DOCK3: variants seen among roughly 807,000 people sequenced by gnomAD.
The protein encoded by DOCK3 is dedicator of cytokinesis 3.
In DOCK3, 60 loss-of-function variants were observed where a neutral mutation model predicts 265.6. The ratio of observed to expected loss-of-function variants is 0.23; its 90% CI spans 0.18 to 0.28. DOCK3 has a LOEUF of 0.28. Among genes scored for constraint, DOCK3 ranks in the 10% least tolerant of loss-of-function variants. The pLI is 1.00. For missense variants in DOCK3, 1,981 were observed against 2,594.3 expected (o/e 0.76, Z 5.14); for synonymous variants, 881 against 938.0 (o/e 0.94, Z 1.11).
chr3:50,932,114 C>T (rs1207124444), intron 4 of DOCK3, among the ~76,000 whole-genome samples: 3 of 152,096 alleles, frequency 2.0e-5, no homozygotes, highest in Non-Finnish European at 4.4e-5. Context: ...TTAACAAGCC[C>T]TTGATGAAAG....
intron 5 of DOCK3, among the ~76,000 whole-genome samples, chr3:51,050,388 G>A (rs1027638482): frequency 6.6e-6 from 1 of 152,108 alleles, no homozygotes; most frequent in Non-Finnish European, 1.5e-5. Context: ...TTTTTATGTA[G>A]CTTAAAACCA....
intron 5 of DOCK3, among the ~76,000 whole-genome samples, chr3:51,054,121 TAAAA>T (rs35733959): frequency 1.2e-5 from 1 of 85,008 alleles, no homozygotes; most frequent in Non-Finnish European, 2.3e-5. Context: ...CGTAGCTTCC[TAAAA>T]AAAAAAAAAA....
intron 27 of DOCK3, among the ~76,000 whole-genome samples, chr3:51,309,104 G>T (rs969815761): frequency 6.6e-6 from 1 of 151,656 alleles, no homozygotes; most frequent in Non-Finnish European, 1.5e-5. Flanking sequence ...TCCAGACTGC[G>T]CAGCCAGGCA....
At chr3:51,012,831 G>A (rs1291803265) in intron 5 of DOCK3, among the ~76,000 whole-genome samples, 1 of 152,124 alleles carries the variant, frequency 6.6e-6, no homozygotes, top group Non-Finnish European at 1.5e-5. Context: ...ATTTATTGGA[G>A]GGTTTGTTCG....
At chr3:51,190,817 A>T (rs1328275904) in intron 12 of DOCK3, among the ~76,000 whole-genome samples, 5 of 152,182 alleles carry the variant, frequency 3.3e-5, no homozygotes, top group Non-Finnish European at 5.9e-5. Flanking sequence ...GAGCTGGGTC[A>T]GGTAGGTCCA....
chr3:51,042,172 C>T (rs1445274361), intron 5 of DOCK3, among the ~76,000 whole-genome samples: 1 of 152,100 alleles, frequency 6.6e-6, no homozygotes, highest in Non-Finnish European at 1.5e-5. Context: ...AATATTGATG[C>T]CAAAATCCTC....
At chr3:51,231,215 G>A (rs1298896367) in intron 19 of DOCK3, among the ~76,000 whole-genome samples, 3 of 124,412 alleles carry the variant, frequency 2.4e-5, no homozygotes, top group African/African-American at 6.1e-5. Flanking sequence ...TGCAACCTCC[G>A]CCTCCTGGGT....
At chr3:51,343,668 C>G (rs546976848) in intron 38 of DOCK3, among the ~76,000 whole-genome samples, 1 of 152,312 alleles carries the variant, frequency 6.6e-6, no homozygotes, top group African/African-American at 2.4e-5. Context: ...CACTTGCTAC[C>G]TCTGTGCAGA....
intron 2 of DOCK3, among the ~76,000 whole-genome samples, chr3:50,795,140 T>C (rs538516070): frequency 1.3e-5 from 2 of 152,288 alleles, no homozygotes; most frequent in African/African-American, 4.8e-5. Flanking sequence ...TTACCTGATC[T>C]TTCATTCTAG....
At chr3:51,002,453 A>C (rs1332245451) in intron 5 of DOCK3, among the ~76,000 whole-genome samples, 1 of 152,202 alleles carries the variant, frequency 6.6e-6, no homozygotes, top group Non-Finnish European at 1.5e-5. Flanking sequence ...TTTGAAGTCC[A>C]AGTTTATTGA....
At chr3:51,021,004 A>G (rs1443796703) in intron 5 of DOCK3, among the ~76,000 whole-genome samples, 1 of 151,974 alleles carries the variant, frequency 6.6e-6, no homozygotes, top group Non-Finnish European at 1.5e-5. Flanking sequence ...AATTTTGTGA[A>G]GAATGTCAGT....
At chr3:51,264,229 C>T (rs1352906233) in intron 23 of DOCK3, among the ~76,000 whole-genome samples, 1 of 152,192 alleles carries the variant, frequency 6.6e-6, no homozygotes, top group Non-Finnish European at 1.5e-5. Context: ...ACAGTACAAT[C>T]AAATTAGAAC....
intron 3 of DOCK3, among the ~76,000 whole-genome samples, chr3:50,862,021 G>A (rs963090952): frequency 4.6e-5 from 7 of 152,080 alleles, no homozygotes; most frequent in African/African-American, 1.4e-4. Context: ...CATATGATAC[G>A]TGAGCTTTAT....
At chr3:50,831,799 T>C (rs2045193560) in intron 2 of DOCK3, among the ~76,000 whole-genome samples, 1 of 152,190 alleles carries the variant, frequency 6.6e-6, no homozygotes, top group Non-Finnish European at 1.5e-5. Flanking sequence ...TTTGAGGAAT[T>C]ACCACACTGT....
intron 6 of DOCK3, among the ~76,000 whole-genome samples, chr3:51,074,058 T>A (rs889471611): frequency 2.6e-5 from 4 of 152,246 alleles, no homozygotes; most frequent in African/African-American, 9.6e-5. Context: ...TGTGCTAGCA[T>A]GTTCTAAAAT....
chr3:50,889,825 A>C (rs1438709035), intron 3 of DOCK3, among the ~76,000 whole-genome samples: 1 of 152,100 alleles, frequency 6.6e-6, no homozygotes, highest in African/African-American at 2.4e-5. Flanking sequence ...TTGTCTCCTG[A>C]GGATAGATTT....
intron 22 of DOCK3, among the ~76,000 whole-genome samples, chr3:51,254,210 G>T (rs1238157880): frequency 2.6e-5 from 4 of 152,208 alleles, no homozygotes; most frequent in Non-Finnish European, 5.9e-5. Context: ...GTTCTAGTTT[G>T]ATTGCACTGT....
intron 22 of DOCK3, among the ~76,000 whole-genome samples, chr3:51,254,613 A>G (rs2079445291): frequency 6.6e-6 from 1 of 152,138 alleles, no homozygotes; most frequent in Non-Finnish European, 1.5e-5. Context: ...TCCCTTTACC[A>G]TTATGTAATG....
chr3:50,993,241 G>A (rs1274946871), intron 5 of DOCK3, among the ~76,000 whole-genome samples: 4 of 152,272 alleles, frequency 2.6e-5, no homozygotes, highest in African/African-American at 9.6e-5. Context: ...TAAAACTGTG[G>A]TTTTGCCTGG....
Sources: gnomAD v4.1 joint callset for allele counts (sites outside exome capture counted in the v4.1 genomes callset) on GRCh38, gnomAD v4.1.1 for gene constraint, MANE v1.5 for transcripts, NCBI Gene and HGNC (gene_info 2026-07-23, HGNC 2026-07-21) for gene names.